The following MNAT1 variants were observed in gnomAD, a reference collection of about 807,000 sequenced individuals.
MNAT1 encodes the protein CDK-activating kinase assembly factor MAT1.
Under a neutral mutation model 42.0 loss-of-function variants are expected in MNAT1, and 43 were observed. The observed-to-expected ratio is 1.02, with a 90% confidence interval of 0.80 to 1.32. MNAT1 has a LOEUF of 1.32. Ranked by LOEUF, MNAT1 falls within the 40% of genes most tolerant of loss-of-function variation. The pLI is 0.00. For missense variants in MNAT1, 306 were observed against 350.4 expected (o/e 0.87, Z 1.01); for synonymous variants, 118 against 120.0 (o/e 0.98, Z 0.11).
At chr14:60,775,265 C>T (rs960531461) in intron 1 of MNAT1, among the ~76,000 whole-genome samples, 2 of 152,096 alleles carry the variant, frequency 1.3e-5, no homozygotes, top group African/African-American at 2.4e-5. Context: ...TGGATGAGGA[C>T]AGAAAATTCT....
Position 60,736,973 on chromosome 14 carries a change from T to A in MNAT1, c.89+2022T>A, listed in dbSNP as rs117244213. On this transcript the variant is annotated intron_variant, in intron 1 of 7. Transcript: ENST00000261245. ...TATGAAATACTTGCACAATAATGATTAGCTTTAAATGATTTCAGTACACTA... is the reference window on the plus strand; with the variant it reads ...TATGAAATACTTGCACAATAATGATAAGCTTTAAATGATTTCAGTACACTA... Among the ~76,000 whole-genome samples the A allele has an allele frequency of 2.0e-3, 307 of 152,308 alleles. 3 individuals carry two copies. The East Asian group carries it at 0.038, about 19-fold the overall frequency.
intron 6 of MNAT1, among the ~76,000 whole-genome samples, chr14:60,853,900 T>A (rs1015843852): frequency 2.0e-5 from 3 of 152,228 alleles, no homozygotes; most frequent in African/African-American, 7.2e-5. Context: ...TGAAGCCAAC[T>A]TGATCATGGT....
chr14:60,891,359 C>CT (rs1023211974), intron 7 of MNAT1, among the ~76,000 whole-genome samples: 3 of 151,166 alleles, frequency 2.0e-5, no homozygotes, highest in Non-Finnish European at 4.4e-5. Context: ...TCATTATTTT[C>CT]TTTTTTCTGC....
At chr14:60,822,634 G>C (rs1185113862) in intron 6 of MNAT1, among the ~76,000 whole-genome samples, 2 of 151,350 alleles carry the variant, frequency 1.3e-5, no homozygotes, top group East Asian at 3.9e-4. Context: ...AGGAGGCAGG[G>C]TATAGTTATG....
intron 7 of MNAT1, among the ~76,000 whole-genome samples, chr14:60,886,767 T>C (rs2034684112): frequency 6.6e-6 from 1 of 152,148 alleles, no homozygotes; most frequent in African/African-American, 2.4e-5. Flanking sequence ...TCTAACTTTT[T>C]GGTCTAATCT....
chr14:60,797,526 A>G (rs1455587744), intron 2 of MNAT1, among the ~76,000 whole-genome samples: 1 of 152,156 alleles, frequency 6.6e-6, no homozygotes, highest in African/African-American at 2.4e-5. Flanking sequence ...AAGTCTTAAC[A>G]AGGATTTTGC....
At chr14:60,900,111 T>A (rs4902015) in intron 7 of MNAT1, among the ~76,000 whole-genome samples, 1 of 150,472 alleles carries the variant, frequency 6.6e-6, no homozygotes, top group African/African-American at 2.5e-5. Context: ...TTCCCTGAGA[T>A]GCAGCAATAT....
chr14:60,789,768 T>A (rs1026062149), intron 1 of MNAT1, among the ~76,000 whole-genome samples: 1 of 152,164 alleles, frequency 6.6e-6, no homozygotes, highest in Non-Finnish European at 1.5e-5. Context: ...GCAGAAAGAA[T>A]GGCTACAGAA....
At chr14:60,925,167 C>A (rs1281317772) in intron 7 of MNAT1, among the ~76,000 whole-genome samples, 1 of 152,126 alleles carries the variant, frequency 6.6e-6, no homozygotes, top group Non-Finnish European at 1.5e-5. Flanking sequence ...CACGACAACA[C>A]CTATTTACAT....
rs539964719 is a variant in MNAT1, at chr14:60,937,746, G to GT, written c.810-30477dup. 5.9e-3 allele frequency among the ~76,000 whole-genome samples: 897 copies of GT among 152,130 alleles called. 2 individuals are homozygous for GT. The highest frequency in any genetic ancestry group is 9.4e-3 in the Non-Finnish European group (640 of 67,976). ...TTGGTTCCATATGAACTTTAAAGTAGTTTTTTCCAATTCTGTGAAGAAAGT... is the reference window on the plus strand; with the variant it reads ...TTGGTTCCATATGAACTTTAAAGTAGTTTTTTTCCAATTCTGTGAAGAAAGT... On this transcript the variant is annotated intron_variant, in intron 7 of 7. Transcript: ENST00000261245.
chr14:60,865,293 A>G (rs2034180172), intron 6 of MNAT1, among the ~76,000 whole-genome samples: 1 of 152,058 alleles, frequency 6.6e-6, no homozygotes, highest in Non-Finnish European at 1.5e-5. Flanking sequence ...AGCCATTTCT[A>G]TATTACATTA....
chr14:60,866,136 T>C (rs548580773), intron 6 of MNAT1, among the ~76,000 whole-genome samples: 1 of 151,936 alleles, frequency 6.6e-6, no homozygotes, highest in African/African-American at 2.4e-5. Context: ...TAAAGAAAAA[T>C]TTTGAAACAG....
intron 4 of MNAT1, among the ~76,000 whole-genome samples, chr14:60,811,298 C>CTTTTTTTTTTTT (rs569520885): frequency 1.2e-5 from 1 of 80,322 alleles, no homozygotes; most frequent in African/African-American, 4.8e-5. Flanking sequence ...TCTATTCTTT[C>CTTTTTTTTTTTT]TTTTTTTTTT....
intron 7 of MNAT1, among the ~76,000 whole-genome samples, chr14:60,940,967 T>C (rs1010510487): frequency 6.6e-6 from 1 of 152,224 alleles, no homozygotes; most frequent in Non-Finnish European, 1.5e-5. Flanking sequence ...CTCTAGATAA[T>C]GTTAACTGTA....
At chr14:60,743,430 A>C (rs1351075335) in intron 1 of MNAT1, among the ~76,000 whole-genome samples, 2 of 152,144 alleles carry the variant, frequency 1.3e-5, no homozygotes, top group East Asian at 3.9e-4. Flanking sequence ...CTGGGATTAC[A>C]GGTGTGTGCC....
At chr14:60,859,146 A>G (rs947412308) in intron 6 of MNAT1, among the ~76,000 whole-genome samples, 2 of 152,196 alleles carry the variant, frequency 1.3e-5, no homozygotes, top group African/African-American at 4.8e-5. Context: ...TCCTTGTCAC[A>G]TATATTTCAT....
chr14:60,934,824 C>G (rs1030437216), intron 7 of MNAT1, among the ~76,000 whole-genome samples: 3 of 152,184 alleles, frequency 2.0e-5, no homozygotes, highest in African/African-American at 7.2e-5. Flanking sequence ...ACTTCCCTTG[C>G]CTGTGGAAGG....
intron 7 of MNAT1, among the ~76,000 whole-genome samples, chr14:60,880,388 C>G (rs181834985): frequency 1.3e-5 from 2 of 152,238 alleles, no homozygotes; most frequent in East Asian, 1.9e-4. Flanking sequence ...GTTATAGTCT[C>G]TCTCATGGGA....
chr14:60,850,566 G>A (rs1262317283), intron 6 of MNAT1, among the ~76,000 whole-genome samples: 1 of 152,182 alleles, frequency 6.6e-6, no homozygotes, highest in Non-Finnish European at 1.5e-5. Flanking sequence ...TTCAAATTCT[G>A]GCTCTGTGAG....
Sources: allele counts gnomAD v4.1 joint callset (sites outside exome capture counted in the v4.1 genomes callset), GRCh38; gene constraint gnomAD v4.1.1; transcripts MANE v1.5; gene names NCBI Gene and HGNC (gene_info 2026-07-23, HGNC 2026-07-21).